TRDMT1: variants seen among roughly 807,000 people sequenced by gnomAD.
TRDMT1 encodes the protein tRNA (cytosine(38)-C(5))-methyltransferase.
In TRDMT1, 49 loss-of-function variants were observed where a neutral mutation model predicts 51.2. That is an observed-to-expected ratio of 0.96 (90% confidence interval 0.76 to 1.21). The LOEUF (loss-of-function observed/expected upper bound fraction) is 1.21. Ranked by LOEUF, TRDMT1 falls within the 50% of genes most tolerant of loss-of-function variation. The pLI is 0.00. For synonymous variants in TRDMT1, 187 were observed against 164.6 expected, an observed-to-expected ratio of 1.14 and a Z score of -1.04; for missense variants, 534 against 462.3, an observed-to-expected ratio of 1.16 and a Z score of -1.42.
Position 17,168,880 on chromosome 10 carries a change from T to A in TRDMT1, c.212A>T (p.Asp71Val), listed in dbSNP as rs777734679. The A allele has an allele frequency of 1.2e-6, 2 of 1,612,720 alleles. No homozygotes were observed. Among genetic ancestry groups the A allele is most frequent in the Non-Finnish European group, 1.7e-6 (2 of 1,179,236 alleles). Residue 71 changes from aspartate to valine, a missense_variant, in exon 3 of 11, where the codon GAT (aspartate) becomes GTT (valine). Coordinates refer to ENST00000377799, the MANE Select transcript of TRDMT1 (RefSeq NM_004412.7). ...TLEEFDRLSF[D>V]MILMSPPCQP... ...GCAGGGAGGGCTCATTAAAATCATA[T>A]CAAAAGATAATCTGTCAAACTCTTC...
chr10:17,160,823 A>T (rs1840247307), intron 5 of TRDMT1, among the ~76,000 whole-genome samples: 1 of 152,216 alleles, frequency 6.6e-6, no homozygotes, highest in Non-Finnish European at 1.5e-5. Flanking sequence ...TAGAAAGATA[A>T]TGACCCTACG....
At position 17,139,441 on chromosome 10, in the gene TRDMT1, T is replaced by C. The variant is rs765606627; in HGVS notation, c.*9599A>G. On this transcript the variant is annotated 3_prime_UTR_variant, in exon 11 of 11. Transcript: ENST00000377799. ...CTTTGTGATGATATTTTGTGTTCTATTAGGGGAGGAGAGCAAGAGAGGTGA... is the reference window on the plus strand; with the variant it reads ...CTTTGTGATGATATTTTGTGTTCTACTAGGGGAGGAGAGCAAGAGAGGTGA... Among the ~76,000 whole-genome samples the C allele has an allele frequency of 9.5e-4, 145 of 152,026 alleles. No homozygotes were observed. Among genetic ancestry groups the C allele is most frequent in the Admixed American group, 2.4e-3 (36 of 15,262 alleles).
At chr10:17,197,429 C>T (rs1053794127) in intron 1 of TRDMT1, among the ~76,000 whole-genome samples, 2 of 152,200 alleles carry the variant, frequency 1.3e-5, no homozygotes, top group African/African-American at 4.8e-5. Context: ...TATGTAGTGA[C>T]TGTAAAAATG....
chr10:17,151,650 T>C (rs1385048773), intron 10 of TRDMT1: 3 of 968,094 alleles, frequency 3.1e-6, no homozygotes, highest in Admixed American at 6.1e-5. Flanking sequence ...ATTATACATA[T>C]ATATTCAAAG....
intron 1 of TRDMT1, among the ~76,000 whole-genome samples, chr10:17,177,427 C>T (rs1842752004): frequency 6.6e-6 from 1 of 151,990 alleles, no homozygotes; most frequent in African/African-American, 2.4e-5. Flanking sequence ...GTCTCAAACT[C>T]CTAACCTCAA....
At position 17,142,111 on chromosome 10, in the gene TRDMT1, A is replaced by G. The variant is rs2131349514; in HGVS notation, c.*6929T>C. ...TGAAGCATTTTTATGAGAGTTGCTTAAAATCCTTGTCAAGTAATTCCAACA... is the reference window on the plus strand; with the variant it reads ...TGAAGCATTTTTATGAGAGTTGCTTGAAATCCTTGTCAAGTAATTCCAACA... On this transcript the variant is annotated 3_prime_UTR_variant, in exon 11 of 11. Coordinates refer to ENST00000377799, the MANE Select transcript of TRDMT1 (RefSeq NM_004412.7). 1 of 152,334 alleles carries G rather than the reference A, an allele frequency of 6.6e-6. No individual in the cohort carries two copies. Among genetic ancestry groups the G allele is most frequent in the South Asian group, 2.1e-4 (1 of 4,824 alleles). The allele number at this position is 152,334 out of a possible 1,614,324, so 9.4% of individuals were successfully genotyped here. A position where few individuals can be genotyped will look rare whatever the true frequency, so the allele number is the denominator to read the frequency against.
intron 1 of TRDMT1, among the ~76,000 whole-genome samples, chr10:17,195,279 AAG>A (rs1845255212): frequency 6.6e-6 from 1 of 152,224 alleles, no homozygotes; most frequent in Non-Finnish European, 1.5e-5. Flanking sequence ...AGCCATAAAA[AAG>A]AACAAAATCA....
intron 1 of TRDMT1, among the ~76,000 whole-genome samples, chr10:17,176,704 T>C (rs1044999340): frequency 6.6e-6 from 1 of 152,228 alleles, no homozygotes; most frequent in African/African-American, 2.4e-5. Flanking sequence ...GGGTGGTTAT[T>C]GTTTCTAAGG....
intron 1 of TRDMT1, among the ~76,000 whole-genome samples, chr10:17,183,669 G>A (rs891723094): frequency 2.0e-5 from 3 of 152,022 alleles, no homozygotes; most frequent in Non-Finnish European, 1.5e-5. Context: ...CACCTGCCTC[G>A]GCCTCCCAAA....
chr10:17,180,487 C>T (rs553115222), intron 1 of TRDMT1, among the ~76,000 whole-genome samples: 2 of 149,102 alleles, frequency 1.3e-5, no homozygotes, highest in South Asian at 4.3e-4. Flanking sequence ...TTGCAGTGAG[C>T]CGAGATTGCG....
At chr10:17,201,511 C>T (rs7910436) in intron 1 of TRDMT1, 60 bp downstream of exon 1, 9 of 1,478,404 alleles carry the variant, frequency 6.1e-6, no homozygotes, top group Non-Finnish European at 8.3e-6. Context: ...CTTCCCGGCG[C>T]GGGTGCTCCA....
rs1045410285 is a variant in TRDMT1 at position 17,139,149 on chromosome 10, T to G, written c.*9891A>C. The G allele has an allele frequency of 1.4e-4, 139 of 983,918 alleles. No individual in the cohort carries two copies. Among genetic ancestry groups the G allele is most frequent in the Non-Finnish European group, 1.6e-4 (135 of 828,666 alleles). The allele number at this position is 983,918 out of a possible 1,614,324, so 60.9% of individuals were successfully genotyped here. A position where few individuals can be genotyped will look rare whatever the true frequency, so the allele number is the denominator to read the frequency against. ...GCTTGGTTTCCAAGGTGTGAAGCAA[T>G]GAAGCGGAGTTTACCATAGGTGAAC... On this transcript the variant is annotated 3_prime_UTR_variant, in exon 11 of 11. Coordinates refer to ENST00000377799, the MANE Select transcript of TRDMT1 (RefSeq NM_004412.7).
chr10:17,176,509 G>A (rs1382108332), intron 1 of TRDMT1, among the ~76,000 whole-genome samples: 1 of 152,072 alleles, frequency 6.6e-6, no homozygotes, highest in Non-Finnish European at 1.5e-5. Context: ...TTCTTTCTCA[G>A]GAAAGAACAG....
intron 1 of TRDMT1, among the ~76,000 whole-genome samples, chr10:17,189,387 A>C (rs1381547187): frequency 6.6e-6 from 1 of 152,206 alleles, no homozygotes; most frequent in African/African-American, 2.4e-5. Context: ...ATGCAAAGCC[A>C]TAAAAAATTT....
chr10:17,201,605 G>C lies in TRDMT1; in HGVS notation c.30C>G (p.Tyr10Ter), dbSNP rs574779490. 1 of 1,548,276 alleles carries C rather than the reference G, an allele frequency of 6.5e-7. No individual in the cohort carries two copies. The change falls in exon 1 of 11, where the codon TAC becomes TAG. Residue 10 changes from tyrosine (Y) to a stop codon, truncating the protein, a stop_gained. Coordinates refer to ENST00000377799, the MANE Select transcript of TRDMT1 (RefSeq NM_004412.7). LOFTEE classifies it high-confidence loss of function. ...CGTGGTGCATGCCGCCCACGCCGCT[G>C]TATAGCTCCAGCACCCGCAGGGGCT... The part of the protein sequence containing the change: MEPLRVLEL[Y>*]SGVGGMHHAL...
chr10:17,153,728 C>A, intron 9 of TRDMT1, 92 bp from the exon 10 acceptor site: 1 of 1,346,318 alleles, frequency 7.4e-7, no homozygotes. Flanking sequence ...GATGGACATA[C>A]AGTCTGCTGT....
chr10:17,201,243 G>A, intron 1 of TRDMT1: 2 of 269,706 alleles, frequency 7.4e-6, no homozygotes, highest in Non-Finnish European at 1.4e-5. Flanking sequence ...CTTAGAATGG[G>A]GGCTTGGCAC....
intron 2 of TRDMT1, among the ~76,000 whole-genome samples, chr10:17,172,633 A>G (rs188738753): frequency 1.1e-4 from 17 of 152,362 alleles, no homozygotes; most frequent in Non-Finnish European, 2.1e-4. Context: ...TTTTTCAGGA[A>G]GAAGAAAAAT....
Position 17,147,186 on chromosome 10 carries a change from G to A in TRDMT1, c.*1854C>T, listed in dbSNP as rs1186120840. 1.0e-6 allele frequency: 1 copy of A among 985,672 alleles called. No individual in the cohort carries two copies. Among genetic ancestry groups the A allele is most frequent in the Non-Finnish European group, 1.2e-6 (1 of 829,912 alleles). The allele number at this position is 985,672 out of a possible 1,614,324, so 61.1% of individuals were successfully genotyped here. A position where few individuals can be genotyped will look rare whatever the true frequency, so the allele number is the denominator to read the frequency against. On this transcript the variant is annotated 3_prime_UTR_variant, in exon 11 of 11. Coordinates refer to ENST00000377799, the MANE Select transcript of TRDMT1 (RefSeq NM_004412.7). Reference sequence around the variant, plus strand: ...ATTTTATTTAGAATATTTCAGCAGTGAACAGAACCTACATGAAAGTGTGCC... The same window carrying A: ...ATTTTATTTAGAATATTTCAGCAGTAAACAGAACCTACATGAAAGTGTGCC...
Sources: gnomAD v4.1 joint callset for allele counts (sites outside exome capture counted in the v4.1 genomes callset) on GRCh38, gnomAD v4.1.1 for gene constraint, MANE v1.5 for transcripts, NCBI Gene and HGNC (gene_info 2026-07-23, HGNC 2026-07-21) for gene names.